The following CLSTN2 variants were observed in gnomAD, a reference collection of about 807,000 sequenced individuals.
CLSTN2 encodes the protein calsyntenin 2, also known as calsyntenin-2.
A neutral mutation model predicts 101.2 loss-of-function variants in CLSTN2; 48 were observed. That is an observed-to-expected ratio of 0.47 (90% CI 0.38 to 0.60). The LOEUF (loss-of-function observed/expected upper bound fraction) is 0.60. Ranked by LOEUF, CLSTN2 falls within the 20% of genes least tolerant of loss-of-function variation. The probability of loss-of-function intolerance (pLI) is 0.00; values close to 1 mark genes in which losing one functional copy is unlikely to be tolerated. For missense variants in CLSTN2, 1,160 were observed against 1,238.2 expected (o/e 0.94, Z 0.95); for synonymous variants, 481 against 463.6 (o/e 1.04, Z -0.48).
chr3:140,254,345 T>G (rs2086587963), intron 2 of CLSTN2, among the ~76,000 whole-genome samples: 1 of 152,188 alleles, frequency 6.6e-6, no homozygotes, highest in South Asian at 2.1e-4. Context: ...AATCTAGGCT[T>G]CATGGTGACT....
chr3:140,495,079 A>G lies in CLSTN2; in HGVS notation c.1344+28348A>G, dbSNP rs556108438. Among the ~76,000 whole-genome samples the G allele has an allele frequency of 1.1e-4, 17 of 152,300 alleles. No individual in the cohort carries two copies. The East Asian group carries it at 3.3e-3, about 29-fold the overall frequency. ...GGTTGAACTAAATTACACTCCCACC[A>G]ACTGTATAAAAGTGCTTCGTTTTCT... is the stretch of plus-strand genomic sequence containing the variant. On this transcript the variant is annotated intron_variant, in intron 8 of 16. Transcript: ENST00000458420.
In CLSTN2 at chr3:140,155,928, A is replaced by T. The variant is rs565334355; in HGVS notation, c.110-20023A>T. 1.2e-4 allele frequency among the ~76,000 whole-genome samples: 18 copies of T among 149,930 alleles called. No individual in the cohort carries two copies. In the South Asian group the frequency reaches 4.0e-3, roughly 33 times the overall value. ...CAAGATACAAGAGTAAGAAGCTGAC[A>T]TTAATATCCTTAGCCATGCTTTCTC... On this transcript the variant is annotated intron_variant, in intron 1 of 16. Transcript: ENST00000458420.
At chr3:140,190,658 T>C (rs1180730337) in intron 2 of CLSTN2, among the ~76,000 whole-genome samples, 1 of 152,164 alleles carries the variant, frequency 6.6e-6, no homozygotes, top group East Asian at 1.9e-4. Context: ...TATATCTAAG[T>C]ATTTCATTTT....
intron 9 of CLSTN2, among the ~76,000 whole-genome samples, chr3:140,538,071 G>A (rs903677543): frequency 4.9e-5 from 5 of 101,722 alleles, no homozygotes; most frequent in African/African-American, 4.2e-4. Flanking sequence ...ACAGTTCTAA[G>A]CACTTTCTCA....
chr3:140,406,160 C>T (rs1006086519), intron 4 of CLSTN2, among the ~76,000 whole-genome samples: 1 of 152,164 alleles, frequency 6.6e-6, no homozygotes, highest in Non-Finnish European at 1.5e-5. Flanking sequence ...ATAGCATCAG[C>T]CACCTGCTTG....
intron 2 of CLSTN2, among the ~76,000 whole-genome samples, chr3:140,240,142 CTCTCTCTCTG>C (rs762464908): frequency 0.11 from 1,541 of 13,594 alleles, 84 homozygotes; most frequent in South Asian, 0.21. Flanking sequence ...GTTTCTCTCT[CTCTCTCTCTG>C]TCTCTCTCTC....
chr3:140,417,508 A>C (rs2088444645), intron 4 of CLSTN2, among the ~76,000 whole-genome samples: 1 of 152,170 alleles, frequency 6.6e-6, no homozygotes, highest in African/African-American at 2.4e-5. Context: ...AGTGTTGGTC[A>C]GTATGTCTGT....
chr3:140,363,138 T>G (rs748073102), intron 2 of CLSTN2, among the ~76,000 whole-genome samples: 6 of 152,132 alleles, frequency 3.9e-5, no homozygotes, highest in Non-Finnish European at 8.8e-5. Flanking sequence ...GGAATATTAT[T>G]CAACAATAAA....
At chr3:139,968,409 G>A (rs994600566) in intron 1 of CLSTN2, among the ~76,000 whole-genome samples, 11 of 152,218 alleles carry the variant, frequency 7.2e-5, no homozygotes, top group African/African-American at 2.4e-4. Flanking sequence ...CACCTTCAGA[G>A]GTGAACCCCT....
chr3:140,017,247 C>T (rs535535466), intron 1 of CLSTN2, among the ~76,000 whole-genome samples: 130 of 152,316 alleles, frequency 8.5e-4, no homozygotes, highest in Non-Finnish European at 1.3e-3. Context: ...GGCAGGTACT[C>T]TCCAGGCACA....
intron 2 of CLSTN2, among the ~76,000 whole-genome samples, chr3:140,371,644 G>A (rs1465195296): frequency 6.6e-6 from 1 of 152,140 alleles, no homozygotes; most frequent in Non-Finnish European, 1.5e-5. Context: ...AGACAGAGAC[G>A]GAAATTAGAT....
At chr3:140,338,064 G>A (rs2087459580) in intron 2 of CLSTN2, among the ~76,000 whole-genome samples, 2 of 152,058 alleles carry the variant, frequency 1.3e-5, no homozygotes, top group Admixed American at 1.3e-4. Flanking sequence ...TAATTTCTAG[G>A]CTTTTTCCCT....
At chr3:140,041,695 G>A (rs1419973294) in intron 1 of CLSTN2, among the ~76,000 whole-genome samples, 3 of 152,070 alleles carry the variant, frequency 2.0e-5, no homozygotes, top group Non-Finnish European at 4.4e-5. Context: ...TCTCCTTTCC[G>A]GGCCTCACCG....
At chr3:140,255,417 G>A (rs939130970) in intron 2 of CLSTN2, among the ~76,000 whole-genome samples, 1 of 152,046 alleles carries the variant, frequency 6.6e-6, no homozygotes, top group African/African-American at 2.4e-5. Flanking sequence ...CATCAACAGT[G>A]GACTGGATAA....
At chr3:140,223,712 C>T (rs1350177183) in intron 2 of CLSTN2, among the ~76,000 whole-genome samples, 1 of 152,196 alleles carries the variant, frequency 6.6e-6, no homozygotes, top group Non-Finnish European at 1.5e-5. Context: ...ATACTTCTAA[C>T]TTCCTTTTTG....
chr3:140,048,486 C>G (rs1047364757), intron 1 of CLSTN2, among the ~76,000 whole-genome samples: 3 of 152,340 alleles, frequency 2.0e-5, no homozygotes, highest in Admixed American at 2.0e-4. Flanking sequence ...CAAAGTAGTG[C>G]TTGCTCCTCG....
At chr3:140,126,248 G>C (rs767741562) in intron 1 of CLSTN2, among the ~76,000 whole-genome samples, 1 of 152,098 alleles carries the variant, frequency 6.6e-6, no homozygotes, top group Non-Finnish European at 1.5e-5. Flanking sequence ...GGGGAAGAAG[G>C]TGAAGTGCTT....
chr3:140,410,532 A>G (rs1459686472), intron 4 of CLSTN2, among the ~76,000 whole-genome samples: 1 of 152,148 alleles, frequency 6.6e-6, no homozygotes, highest in Non-Finnish European at 1.5e-5. Context: ...CATCACCACT[A>G]GACCTGCCTT....
rs532739886 is a variant in CLSTN2, at chr3:140,538,958, CT to C, written c.1507+6475del. On this transcript the variant is annotated intron_variant, in intron 9 of 16. Coordinates refer to ENST00000458420, the MANE Select transcript of CLSTN2 (RefSeq NM_022131.3). ...TACTCCAGTAAAGCAATCTGTTTGA[CT>C]TTGATTCAGGTTCCTCAATCTTATG... 2.3e-3 allele frequency among the ~76,000 whole-genome samples: 344 copies of C among 152,288 alleles called. 1 individual carries two copies. Among genetic ancestry groups the C allele is most frequent in the African/African-American group, 8.1e-3 (335 of 41,574 alleles).
Sources: gnomAD v4.1 joint callset for allele counts (sites outside exome capture counted in the v4.1 genomes callset) on GRCh38, gnomAD v4.1.1 for gene constraint, MANE v1.5 for transcripts, NCBI Gene and HGNC (gene_info 2026-07-23, HGNC 2026-07-21) for gene names.